CD8B2: variants seen among roughly 807,000 people sequenced by gnomAD.
The protein encoded by CD8B2 is CD8B family member 2, also known as T-cell surface glycoprotein CD8 beta-2 chain.
CD8B2 carries 11 observed loss-of-function variants against 23.7 expected under a neutral mutation model. The ratio of observed to expected loss-of-function variants is 0.46; its 90% CI spans 0.29 to 0.77. CD8B2 has a LOEUF of 0.77. Among genes scored for constraint, CD8B2 ranks in the 30% least tolerant of loss-of-function variants. The pLI is 0.09. For synonymous variants in CD8B2, 90 were observed against 109.3 expected (o/e 0.82, Z 1.10); for missense variants, 197 against 270.5 (o/e 0.73, Z 1.91).
intron 5 of CD8B2, among the ~76,000 whole-genome samples, chr2:106,516,437 T>C (rs185285739): frequency 6.6e-6 from 1 of 152,212 alleles, no homozygotes; most frequent in Non-Finnish European, 1.5e-5. Flanking sequence ...TGTGAAAATA[T>C]TGAGTCCCAA....
At chr2:106,489,616 T>C (rs1414746410) in intron 1 of CD8B2, among the ~76,000 whole-genome samples, 1 of 152,138 alleles carries the variant, frequency 6.6e-6, no homozygotes, top group African/African-American at 2.4e-5. Context: ...CCAGGTCAGA[T>C]TGTGTTTGTT....
chr2:106,514,663 G>C (rs1468278501), downstream of CD8B2, among the ~76,000 whole-genome samples: 3 of 151,360 alleles, frequency 2.0e-5, no homozygotes, highest in Admixed American at 1.3e-4. Context: ...TCCCACGTTT[G>C]AGCCTGGTCA....
chr2:106,534,117 G>C (rs1680050868), intron 5 of CD8B2, among the ~76,000 whole-genome samples: 1 of 152,204 alleles, frequency 6.6e-6, no homozygotes, highest in Admixed American at 6.5e-5. Flanking sequence ...AGCGAGGCCT[G>C]GGCAGTGGGT....
At chr2:106,531,679 C>T (rs1679991229) in intron 5 of CD8B2, among the ~76,000 whole-genome samples, 1 of 152,184 alleles carries the variant, frequency 6.6e-6, no homozygotes, top group Non-Finnish European at 1.5e-5. Context: ...GTCACTGCTG[C>T]ACCCTGGCTC....
chr2:106,514,717 A>T (rs6543418), downstream of CD8B2, among the ~76,000 whole-genome samples: 1 of 134,044 alleles, frequency 7.5e-6, no homozygotes, highest in East Asian at 2.0e-4. Context: ...CCTCTCCCCC[A>T]CACTGCTTTT....
intron 5 of CD8B2, among the ~76,000 whole-genome samples, chr2:106,539,627 A>G (rs1258325103): frequency 6.6e-6 from 1 of 152,202 alleles, no homozygotes; most frequent in Non-Finnish European, 1.5e-5. Context: ...CACAAACACC[A>G]AAAACATTTT....
At position 106,504,312 on chromosome 2, in the gene CD8B2, C is replaced by T. The variant is rs188171144; in HGVS notation, c.607C>T (p.Arg203Cys). 12 of 1,554,566 alleles carry T rather than the reference C, an allele frequency of 7.7e-6. 1 individual carries two copies. In the Admixed American group the frequency reaches 1.4e-4, roughly 18 times the overall value. The change falls in exon 5 of 6, where the codon CGT becomes TGT. Residue 203 changes from arginine (R) to cysteine (C), a missense_variant. Arg to Cys is a radical substitution (Grantham distance 180). Coordinates refer to ENST00000643224, the MANE Select transcript of CD8B2 (RefSeq NM_001349727.2). ...AGGCCGGCGGAGGAGAGCCCGGCTT[C>T]GTTTCATGAAACAGTAAGTGTATAA... ...LCCRRRRARL[R>C]FMKQFYK
intron 5 of CD8B2, among the ~76,000 whole-genome samples, chr2:106,518,643 C>T (rs1206011418): frequency 1.3e-5 from 2 of 152,144 alleles, no homozygotes; most frequent in Non-Finnish European, 1.5e-5. Context: ...TGTCCTCATC[C>T]ATCTATCCAT....
At chr2:106,523,513 GGGTA>G (rs1679860299) in intron 5 of CD8B2, among the ~76,000 whole-genome samples, 1 of 152,134 alleles carries the variant, frequency 6.6e-6, no homozygotes, top group Admixed American at 6.6e-5. Flanking sequence ...TGTCGGTCTG[GGGTA>G]GCTGCAGATG....
chr2:106,540,408 A>G (rs1680154131), intron 5 of CD8B2, among the ~76,000 whole-genome samples: 1 of 152,194 alleles, frequency 6.6e-6, no homozygotes, highest in Admixed American at 6.5e-5. Flanking sequence ...CAAAACAGAT[A>G]AAAATAGGAC....
At chr2:106,506,488 A>G (rs1298931414) in intron 5 of CD8B2, among the ~76,000 whole-genome samples, 38 of 151,926 alleles carry the variant, frequency 2.5e-4, no homozygotes, top group Admixed American at 2.4e-3. Flanking sequence ...AAAAGCTTGA[A>G]AACCACCTCT....
At chr2:106,527,655 C>G (rs1679925096) in intron 5 of CD8B2, among the ~76,000 whole-genome samples, 1 of 152,140 alleles carries the variant, frequency 6.6e-6, no homozygotes, top group Non-Finnish European at 1.5e-5. Flanking sequence ...CGTGGTAGCA[C>G]CGCCTGTAAT....
intron 5 of CD8B2, among the ~76,000 whole-genome samples, chr2:106,534,079 T>C (rs999596420): frequency 6.6e-6 from 1 of 152,200 alleles, no homozygotes; most frequent in Non-Finnish European, 1.5e-5. Flanking sequence ...CAAATCCCAG[T>C]CTGCAGAGCA....
At chr2:106,530,470 C>T (rs1043685345) in intron 5 of CD8B2, among the ~76,000 whole-genome samples, 5 of 152,178 alleles carry the variant, frequency 3.3e-5, no homozygotes, top group Non-Finnish European at 7.3e-5. Context: ...GCTCCGCCTC[C>T]CGGGTTCACG....
chr2:106,492,375 AATTT>A (rs1679212381), intron 2 of CD8B2, among the ~76,000 whole-genome samples: 2 of 152,294 alleles, frequency 1.3e-5, no homozygotes, highest in South Asian at 4.1e-4. Context: ...TATTTAACTC[AATTT>A]ATTAACTATA....
intron 2 of CD8B2, 110 bp downstream of exon 2, chr2:106,491,343 G>A (rs1218205869): frequency 9.7e-6 from 9 of 925,350 alleles, no homozygotes; most frequent in Non-Finnish European, 1.5e-5. Context: ...TGTGACTAAT[G>A]GCACTGCTGC....
intron 5 of CD8B2, among the ~76,000 whole-genome samples, chr2:106,535,634 T>C (rs953897338): frequency 2.0e-5 from 3 of 152,216 alleles, no homozygotes; most frequent in Admixed American, 6.5e-5. Context: ...GTATACATCT[T>C]ACCCAGTTGC....
rs906945104 is a variant in CD8B2, at chr2:106,509,290, C to G, written c.*2350C>G. On this transcript the variant is annotated 3_prime_UTR_variant, in exon 6 of 6. Transcript: ENST00000643224. ...ACAAGGGACAGGCTGCCTTCCAAGG[C>G]TGAGGGGAGGGGTGAAAGAATTGGG... The G allele has an allele frequency of 6.6e-6, 1 of 152,104 alleles. No individual in the cohort carries two copies. The highest frequency in any genetic ancestry group is 1.5e-5 in the Non-Finnish European group (1 of 68,028). The allele number at this position is 152,104 out of a possible 1,614,324, so 9.4% of individuals were successfully genotyped here.
chr2:106,494,632 C>G (rs1396543385), intron 2 of CD8B2, among the ~76,000 whole-genome samples: 1 of 152,072 alleles, frequency 6.6e-6, no homozygotes, highest in African/African-American at 2.4e-5. Flanking sequence ...CCTTCATCCC[C>G]AGTAGGCATC....
Sources: allele counts gnomAD v4.1 joint callset (sites outside exome capture counted in the v4.1 genomes callset), GRCh38; gene constraint gnomAD v4.1.1; transcripts MANE v1.5; gene names NCBI Gene and HGNC (gene_info 2026-07-23, HGNC 2026-07-21).